Variants in SVBP observed in about 807,000 individuals in gnomAD.
SVBP encodes small vasohibin binding protein.
SVBP carries 9 observed loss-of-function variants against 9.2 expected under a neutral mutation model. That is an observed-to-expected ratio of 0.98 (90% confidence interval 0.59 to 1.71). The LOEUF (loss-of-function observed/expected upper bound fraction) is 1.71. SVBP is among the 40% of genes most tolerant of loss of function. SVBP has a pLI of 0.00. For synonymous variants in SVBP, 27 were observed against 23.9 expected (o/e 1.13, Z -0.37); for missense variants, 63 against 73.2 (o/e 0.86, Z 0.51).
intron 2 of SVBP, 21 bp from the exon 3 acceptor site, chr1:42,807,521 C>T (rs1225358775): frequency 1.3e-6 from 2 of 1,576,840 alleles, no homozygotes; most frequent in East Asian, 2.2e-5. Context: ...GAAAGAGATA[C>T]ATCTGTTAGC....
chr1:42,815,599 T>C (rs1266017822), intron 2 of SVBP, among the ~76,000 whole-genome samples: 1 of 152,114 alleles, frequency 6.6e-6, no homozygotes, highest in Non-Finnish European at 1.5e-5. Flanking sequence ...TGAATAAATA[T>C]ACTAAGTAAA....
At position 42,817,261 on chromosome 1, in the gene SVBP, T is replaced by C; in HGVS notation, c.-108A>G. The C allele has an allele frequency of 8.0e-7, 1 of 1,247,368 alleles. No individual in the cohort carries two copies. Among genetic ancestry groups the C allele is most frequent in the South Asian group, 1.3e-5 (1 of 76,672 alleles). 77.3% of individuals were successfully genotyped at this position (1,247,368 alleles called of 1,614,324 possible). A position where few individuals can be genotyped will look rare whatever the true frequency, so the allele number is the denominator to read the frequency against. ...GACAACGCCTCCGGGAGGGTAATCC[T>C]CGCCTTCCCCCGACCACTGGACCCA... On this transcript the variant is annotated 5_prime_UTR_variant, in exon 1 of 3. Transcript: ENST00000372521.
chr1:42,808,163 A>ACTATG (rs1557597457), intron 2 of SVBP, among the ~76,000 whole-genome samples: 2 of 129,214 alleles, frequency 1.5e-5, no homozygotes, highest in Non-Finnish European at 3.1e-5. Flanking sequence ...ATATATATAT[A>ACTATG]TATATATATA....
intron 2 of SVBP, among the ~76,000 whole-genome samples, chr1:42,812,787 C>T (rs949295171): frequency 3.3e-5 from 5 of 152,128 alleles, no homozygotes; most frequent in Admixed American, 6.5e-5. Context: ...GCTGGGTTTG[C>T]AGAATGTCCA....
At chr1:42,808,145 G>C (rs370152099) in intron 2 of SVBP, among the ~76,000 whole-genome samples, 1 of 50,802 alleles carries the variant, frequency 2.0e-5, no homozygotes, top group African/African-American at 9.1e-5. Flanking sequence ...GTGTGTGTGT[G>C]TGTGTATATA....
chr1:42,813,853 G>A (rs1041106594), intron 2 of SVBP: 10 of 318,642 alleles, frequency 3.1e-5, no homozygotes, highest in Admixed American at 7.2e-5. Context: ...CTGAGGACCC[G>A]GATCCAGGTG....
At position 42,807,158 on chromosome 1, in the gene SVBP, T is replaced by C; in HGVS notation, c.*256A>G. ...AAAAAGTGTTTTTTGTGTGTGTTTT[T>C]TTTTTTTTTTTAAAAAAACCCAAAA... is the stretch of plus-strand genomic sequence containing the variant. On this transcript the variant is annotated 3_prime_UTR_variant, in exon 3 of 3. Transcript: ENST00000372521. 3.5e-6 allele frequency: 1 copy of C among 288,186 alleles called. No individual in the cohort carries two copies. Among genetic ancestry groups the C allele is most frequent in the Non-Finnish European group, 6.4e-6 (1 of 157,120 alleles). The allele number at this position is 288,186 out of a possible 1,614,324, so 17.9% of individuals were successfully genotyped here.
chr1:42,815,760 T>C (rs552600814), intron 2 of SVBP, among the ~76,000 whole-genome samples: 10 of 152,272 alleles, frequency 6.6e-5, no homozygotes, highest in African/African-American at 2.4e-4. Flanking sequence ...CTACTGTATA[T>C]TGTTCAAGGA....
chr1:42,807,230 C>G lies in SVBP; in HGVS notation c.*184G>C, dbSNP rs979998795. 4 of 406,504 alleles carry G rather than the reference C, an allele frequency of 9.8e-6. No homozygotes were observed. In the South Asian group the frequency reaches 2.5e-4, roughly 25 times the overall value. The allele number at this position is 406,504 out of a possible 1,614,324, so 25.2% of individuals were successfully genotyped here. ...GAAGAAAACAAGTCTCTTCAGCAAG[C>G]ATGTGGCCAATTCAGATGGGAGGAA... is the stretch of plus-strand genomic sequence containing the variant. On this transcript the variant is annotated 3_prime_UTR_variant, in exon 3 of 3. Coordinates refer to ENST00000372521, the MANE Select transcript of SVBP (RefSeq NM_199342.4).
intron 2 of SVBP, among the ~76,000 whole-genome samples, chr1:42,811,918 CTGTT>C (rs1352886377): frequency 6.6e-6 from 1 of 151,896 alleles, no homozygotes; most frequent in Non-Finnish European, 1.5e-5. Flanking sequence ...TTTCATAGGG[CTGTT>C]TTTTTTAAAA....
chr1:42,809,322 G>T (rs573129689), intron 2 of SVBP, among the ~76,000 whole-genome samples: 1 of 152,220 alleles, frequency 6.6e-6, no homozygotes, highest in African/African-American at 2.4e-5. Flanking sequence ...ATGAAACTTA[G>T]AAGTGGGACA....
At chr1:42,807,973 G>A (rs1032444848) in intron 2 of SVBP, among the ~76,000 whole-genome samples, 1 of 151,568 alleles carries the variant, frequency 6.6e-6, no homozygotes, top group Non-Finnish European at 1.5e-5. Context: ...GAAACTTCAA[G>A]CATGCCAATA....
At position 42,807,151 on chromosome 1, in the gene SVBP, G is replaced by GTT. The variant is rs1310166652; in HGVS notation, c.*262_*263insAA. 3.9e-6 allele frequency: 1 copy of GTT among 255,730 alleles called. No individual in the cohort carries two copies. Among genetic ancestry groups the GTT allele is most frequent in the Non-Finnish European group, 6.8e-6 (1 of 147,442 alleles). The allele number at this position is 255,730 out of a possible 1,614,324, so 15.8% of individuals were successfully genotyped here. A position where few individuals can be genotyped will look rare whatever the true frequency, so the allele number is the denominator to read the frequency against. On this transcript the variant is annotated 3_prime_UTR_variant, in exon 3 of 3. Transcript: ENST00000372521. ...ACAATAGAAAAAGTGTTTTTTGTGT[G>GTT]TGTTTTTTTTTTTTTTTTAAAAAAA...
chr1:42,817,264 C>G lies in SVBP; in HGVS notation c.-111G>C. 3.2e-6 allele frequency: 4 copies of G among 1,245,734 alleles called. No homozygotes were observed. The African/African-American group carries it at 6.4e-5, about 20-fold the overall frequency. 77.2% of individuals were successfully genotyped at this position (1,245,734 alleles called of 1,614,324 possible). A position where few individuals can be genotyped will look rare whatever the true frequency, so the allele number is the denominator to read the frequency against. On this transcript the variant is annotated 5_prime_UTR_variant, in exon 1 of 3. Coordinates refer to ENST00000372521, the MANE Select transcript of SVBP (RefSeq NM_199342.4). ...AACGCCTCCGGGAGGGTAATCCTCG[C>G]CTTCCCCCGACCACTGGACCCAGCG...
intron 2 of SVBP, chr1:42,813,638 C>A: frequency 1.9e-6 from 1 of 528,690 alleles, no homozygotes; most frequent in South Asian, 1.4e-5. Flanking sequence ...CACATATGGG[C>A]TGGCAACTGG....
At position 42,808,687 on chromosome 1, in the gene SVBP, C is replaced by CAT. The variant is rs938294340; in HGVS notation, c.115-1189_115-1188dup. On this transcript the variant is annotated intron_variant, in intron 2 of 2. Transcript: ENST00000372521. ...AAGCTATATATGTATGTATATATCGCATATATATATGAGCTATATATATAT... is the reference window on the plus strand; with the variant it reads ...AAGCTATATATGTATGTATATATCGCATATATATATATGAGCTATATATATAT... 9.3e-5 allele frequency among the ~76,000 whole-genome samples: 14 copies of CAT among 150,628 alleles called. No homozygotes were observed. In the South Asian group the frequency reaches 2.3e-3, roughly 25 times the overall value.
chr1:42,816,864 G>C (rs1269425441), intron 1 of SVBP: 7 of 252,272 alleles, frequency 2.8e-5, no homozygotes, highest in Non-Finnish European at 5.4e-5. Context: ...CTGTGTGCGG[G>C]TGAAATGCAA....
In SVBP at chr1:42,812,344, A is replaced by G. The variant is rs16837456; in HGVS notation, c.114+4087T>C. Among the ~76,000 whole-genome samples, 167 of 152,364 alleles carry G rather than the reference A, an allele frequency of 1.1e-3. 2 individuals are homozygous for G. In the East Asian group the frequency reaches 0.031, roughly 28 times the overall value. On this transcript the variant is annotated intron_variant, in intron 2 of 2. Coordinates refer to ENST00000372521, the MANE Select transcript of SVBP (RefSeq NM_199342.4). The stretch of plus-strand genomic sequence containing the variant: ...GATGCCATGCAGAGCGAGGACTTCC[A>G]TAAAGGTCTGTGCCCTGCGGCCAAA...
intron 2 of SVBP, among the ~76,000 whole-genome samples, chr1:42,810,399 G>T (rs923650496): frequency 6.6e-6 from 1 of 152,086 alleles, no homozygotes; most frequent in African/African-American, 2.4e-5. Flanking sequence ...GCCCACCTTG[G>T]CCTCCCAAAG....
Sources: allele counts gnomAD v4.1 joint callset (sites outside exome capture counted in the v4.1 genomes callset), GRCh38; gene constraint gnomAD v4.1.1; transcripts MANE v1.5; gene names NCBI Gene and HGNC (gene_info 2026-07-23, HGNC 2026-07-21).